The following RPH3AL variants were observed in gnomAD, a reference collection of about 807,000 sequenced individuals.
The protein encoded by RPH3AL is rabphilin 3A like (without C2 domains), also known as rab effector Noc2.
In RPH3AL, 38 loss-of-function variants were observed where a neutral mutation model predicts 43.1. The observed-to-expected ratio is 0.88, with a 90% CI of 0.68 to 1.15. RPH3AL has a LOEUF of 1.15. Ranked by LOEUF, RPH3AL falls within the 50% of genes most tolerant of loss-of-function variation. The pLI, the probability that RPH3AL is intolerant of heterozygous loss-of-function variation, is 0.00. For missense variants in RPH3AL, 462 were observed against 423.2 expected, an observed-to-expected ratio of 1.09 and a Z score of -0.81; for synonymous variants, 189 against 176.3, an observed-to-expected ratio of 1.07 and a Z score of -0.57.
At position 247,292 on chromosome 17, in the gene RPH3AL, G is replaced by T. The variant is rs748787462; in HGVS notation, c.439-7C>A. On this transcript the variant is annotated splice_polypyrimidine_tract_variant and splice_region_variant and intron_variant, in intron 6 of 9. Transcript: ENST00000331302. The stretch of plus-strand genomic sequence containing the variant: ...CCCCCGACCTCTTCCAGACCTGAGT[G>T]GGGGAAGAGAGCTGCTTGGGGCACA... 16 of 1,562,090 alleles carry T rather than the reference G, an allele frequency of 1.0e-5. No individual in the cohort carries two copies. Among genetic ancestry groups the T allele is most frequent in the Non-Finnish European group, 1.3e-5 (15 of 1,152,782 alleles).
At chr17:241,204 C>A (rs941734621) in intron 7 of RPH3AL, among the ~76,000 whole-genome samples, 1 of 152,066 alleles carries the variant, frequency 6.6e-6, no homozygotes, top group Non-Finnish European at 1.5e-5. Flanking sequence ...GCCTGGACAA[C>A]ACAGTGAGGC....
chr17:307,768 C>T (rs1044905741), intron 5 of RPH3AL, among the ~76,000 whole-genome samples: 3 of 152,212 alleles, frequency 2.0e-5, no homozygotes, highest in Non-Finnish European at 2.9e-5. Context: ...CTGGGGTGAA[C>T]GGAAGGGGCT....
In RPH3AL at chr17:219,605, T is replaced by C; in HGVS notation, c.727+18A>G. On this transcript the variant is annotated intron_variant, in intron 8 of 9. Transcript: ENST00000331302. ...CACCGTGCCCGGCCAATAAGCAGCA[T>C]TTCACTCCCCACCTTACCTGACTCC... The C allele has an allele frequency of 7.1e-7, 1 of 1,407,584 alleles. No homozygotes were observed. Among genetic ancestry groups the C allele is most frequent in the South Asian group, 1.1e-5 (1 of 87,758 alleles). The allele number at this position is 1,407,584 out of a possible 1,614,324, so 87.2% of individuals were successfully genotyped here.
At position 344,013 on chromosome 17, in the gene RPH3AL, CCAT is replaced by C. The variant is rs1300188566; in HGVS notation, c.-213+8696_-213+8698del. On this transcript the variant is annotated intron_variant, in intron 1 of 9. Coordinates refer to ENST00000331302, the MANE Select transcript of RPH3AL (RefSeq NM_006987.4). ...ATCACTGTCATCTCTGTCATCACCA[CCAT>C]CATCACTATCATCACCCCCATCATC... Among the ~76,000 whole-genome samples the C allele has an allele frequency of 3.6e-4, 22 of 60,834 alleles. 5 individuals are homozygous for C. The highest frequency in any genetic ancestry group is 8.5e-4 in the African/African-American group (22 of 25,816). 39.9% of individuals were successfully genotyped at this position (60,834 alleles called of 152,430 possible). A position where few individuals can be genotyped will look rare whatever the true frequency, so the allele number is the denominator to read the frequency against.
intron 6 of RPH3AL, among the ~76,000 whole-genome samples, chr17:278,929 C>T (rs755635146): frequency 3.9e-5 from 6 of 152,216 alleles, no homozygotes; most frequent in Middle Eastern, 3.4e-3. Context: ...GCACTCAACT[C>T]GCTCCAGAAA....
At chr17:327,076 G>A (rs771106717) in intron 3 of RPH3AL, among the ~76,000 whole-genome samples, 1 of 152,214 alleles carries the variant, frequency 6.6e-6, no homozygotes, top group Non-Finnish European at 1.5e-5. Flanking sequence ...AAATCTCCCT[G>A]TCTTAAGGGA....
In RPH3AL at chr17:289,394, C is replaced by G. The variant is rs887916183; in HGVS notation, c.352-7540G>C. 1.1e-4 allele frequency among the ~76,000 whole-genome samples: 17 copies of G among 152,126 alleles called. No homozygotes were observed. Among genetic ancestry groups the G allele is most frequent in the Non-Finnish European group, 1.5e-5 (1 of 68,014 alleles). Reference sequence around the variant, plus strand: ...CCCAGATAATCCATCTCCAAGAACTCAAATCTCTCTCCAACCTCTCAATTC... The same window carrying G: ...CCCAGATAATCCATCTCCAAGAACTGAAATCTCTCTCCAACCTCTCAATTC... On this transcript the variant is annotated intron_variant, in intron 5 of 9. Transcript: ENST00000331302. The surrounding 1 kb of genome is among the most constrained non-coding windows in gnomAD (Gnocchi z 5.2).
At chr17:219,204 T>C (rs1017304997) in intron 8 of RPH3AL, among the ~76,000 whole-genome samples, 1 of 136,878 alleles carries the variant, frequency 7.3e-6, no homozygotes, top group Non-Finnish European at 1.6e-5. Context: ...TTTTTTTTTT[T>C]TTTTTTTTTT....
chr17:341,831 C>T (rs2045127591), intron 1 of RPH3AL, among the ~76,000 whole-genome samples: 1 of 152,198 alleles, frequency 6.6e-6, no homozygotes, highest in African/African-American at 2.4e-5. Context: ...GACAGGCATA[C>T]ACCACTGTGC....
intron 6 of RPH3AL, among the ~76,000 whole-genome samples, chr17:250,692 G>A (rs144630933): frequency 0.047 from 6,710 of 142,414 alleles, 174 homozygotes; most frequent in African/African-American, 0.066. Flanking sequence ...ACCAAGCTCC[G>A]CCACTGCGGG....
At chr17:218,435 G>A in intron 8 of RPH3AL, among the ~76,000 whole-genome samples, 1 of 150,684 alleles carries the variant, frequency 6.6e-6, no homozygotes, top group Non-Finnish European at 1.5e-5. Flanking sequence ...TTATTATGGA[G>A]CCCTTTCTTC....
At chr17:292,706 G>C (rs999581690) in intron 5 of RPH3AL, among the ~76,000 whole-genome samples, 7 of 151,858 alleles carry the variant, frequency 4.6e-5, no homozygotes, top group Non-Finnish European at 1.5e-5. Flanking sequence ...GTAAGGCAAG[G>C]CTGGATCCCT....
At chr17:238,497 C>T (rs768943104) in intron 7 of RPH3AL, among the ~76,000 whole-genome samples, 1 of 152,168 alleles carries the variant, frequency 6.6e-6, no homozygotes, top group Non-Finnish European at 1.5e-5. Flanking sequence ...ATCGCTTCCG[C>T]GCGTAGTGAC....
rs1028098818 is a variant in RPH3AL at position 283,611 on chromosome 17, G to A, written c.352-1757C>T. Among the ~76,000 whole-genome samples the A allele has an allele frequency of 2.0e-5, 3 of 151,988 alleles. No individual in the cohort carries two copies. The highest frequency in any genetic ancestry group is 1.9e-4 in the East Asian group (1 of 5,170). ...ATCTGCAGAGGGTCCCCTGAGCGCC[G>A]TCCACACTCCTCACTGCTGGCCTTC... On this transcript the variant is annotated intron_variant, in intron 5 of 9. Coordinates refer to ENST00000331302, the MANE Select transcript of RPH3AL (RefSeq NM_006987.4). The surrounding 1 kb of genome is among the most constrained non-coding windows in gnomAD (Gnocchi z 4.2).
intron 5 of RPH3AL, among the ~76,000 whole-genome samples, chr17:284,065 G>A (rs1342828955): frequency 6.6e-6 from 1 of 152,202 alleles, no homozygotes; most frequent in Admixed American, 6.5e-5. Context: ...TCTCCCTTCT[G>A]CACTCTACAC....
intron 5 of RPH3AL, among the ~76,000 whole-genome samples, chr17:313,905 C>T (rs2151659963): frequency 6.6e-6 from 1 of 152,316 alleles, no homozygotes; most frequent in African/African-American, 2.4e-5. Context: ...CACCTCAATC[C>T]TGGAACAAGC....
At chr17:269,682 T>C (rs1597979965) in intron 6 of RPH3AL, among the ~76,000 whole-genome samples, 1 of 152,218 alleles carries the variant, frequency 6.6e-6, no homozygotes, top group Non-Finnish European at 1.5e-5. Context: ...TGAAGCGAGA[T>C]GATCATGGCC....
At position 235,930 on chromosome 17, in the gene RPH3AL, C is replaced by CTACACTAACAAGA. The variant is rs2041379509; in HGVS notation, c.613+11180_613+11181insTCTTGTTAGTGTA. Among the ~76,000 whole-genome samples, 4 of 149,382 alleles carry CTACACTAACAAGA rather than the reference C, an allele frequency of 2.7e-5. 1 individual carries two copies. In the South Asian group the frequency reaches 8.6e-4, roughly 32 times the overall value. On this transcript the variant is annotated intron_variant, in intron 7 of 9. Transcript: ENST00000331302. ...TTCAAAGCTGGGGTCGGCCGAGGCTCCGCACTAACAAGACAGATCCAGGGT... is the reference window on the plus strand; with the variant it reads ...TTCAAAGCTGGGGTCGGCCGAGGCTCTACACTAACAAGACGCACTAACAAGACAGATCCAGGGT...
chr17:295,427 C>T (rs1398430841), intron 5 of RPH3AL, among the ~76,000 whole-genome samples: 3 of 108,604 alleles, frequency 2.8e-5, no homozygotes, highest in African/African-American at 1.1e-4. Flanking sequence ...AGGGAATGCA[C>T]ATCAGTGTGG....
Sources: allele counts gnomAD v4.1 joint callset (sites outside exome capture counted in the v4.1 genomes callset), GRCh38; gene constraint gnomAD v4.1.1; non-coding constraint Gnocchi (gnomAD v3.1); transcripts MANE v1.5; gene names NCBI Gene and HGNC (gene_info 2026-07-23, HGNC 2026-07-21).